The following TM4SF1 variants were observed in gnomAD, a reference collection of about 807,000 sequenced individuals.
The protein encoded by TM4SF1 is transmembrane 4 L6 family member 1.
A neutral mutation model predicts 24.5 loss-of-function variants in TM4SF1; 20 were observed. That is an observed-to-expected ratio of 0.82 (90% CI 0.57 to 1.19). The LOEUF is 1.19. TM4SF1 is among the 50% of genes most tolerant of loss of function. The probability of loss-of-function intolerance (pLI) is 0.00; values close to 1 mark genes in which losing one functional copy is unlikely to be tolerated. For synonymous variants in TM4SF1, 107 were observed against 95.4 expected (o/e 1.12, Z -0.71); for missense variants, 258 against 248.1 (o/e 1.04, Z -0.27).
intron 1 of TM4SF1, among the ~76,000 whole-genome samples, chr3:149,376,790 A>G (rs1432865603): frequency 2.0e-5 from 3 of 152,190 alleles, no homozygotes; most frequent in Non-Finnish European, 4.4e-5. Context: ...ATCAAAAACA[A>G]TTCTTGGAAA....
At chr3:149,370,112 G>T (rs2108376232) in intron 4 of TM4SF1, 1 of 444,876 alleles carries the variant, frequency 2.2e-6, no homozygotes. Flanking sequence ...AGAAACTGCA[G>T]GATACTGATA....
intron 1 of TM4SF1, among the ~76,000 whole-genome samples, chr3:149,376,701 T>G (rs946911923): frequency 2.0e-5 from 3 of 152,224 alleles, no homozygotes; most frequent in Admixed American, 6.5e-5. Flanking sequence ...AAACTTAAGT[T>G]TGCTCACATT....
At chr3:149,375,341 G>GTGGA in intron 3 of TM4SF1, 102 bp downstream of exon 3, 2 of 1,445,146 alleles carry the variant, frequency 1.4e-6, no homozygotes, top group South Asian at 1.3e-5. Flanking sequence ...GGCTAGGTGG[G>GTGGA]TGGATGGATG....
intron 4 of TM4SF1, 151 bp downstream of exon 4, chr3:149,371,536 A>C (rs1731820746): frequency 2.6e-6 from 2 of 778,748 alleles, no homozygotes; most frequent in East Asian, 2.6e-5. Flanking sequence ...CTGACAGCTA[A>C]AGTGAATGCT....
Position 149,369,779 on chromosome 3 carries a change from T to C in TM4SF1, c.*87A>G. 4 of 1,564,826 alleles carry C rather than the reference T, an allele frequency of 2.6e-6. No homozygotes were observed. Among genetic ancestry groups the C allele is most frequent in the South Asian group, 1.1e-5 (1 of 87,252 alleles). On this transcript the variant is annotated 3_prime_UTR_variant, in exon 5 of 5. Coordinates refer to ENST00000305366, the MANE Select transcript of TM4SF1 (RefSeq NM_014220.3). ...GACTGTGGGGAGTATGTTACACTAA[T>C]ACAAAGTTTTACAAATGAATACAAG... is the stretch of plus-strand genomic sequence containing the variant.
At chr3:149,375,857 T>C (rs1731939138) in intron 1 of TM4SF1, 88 bp from the exon 2 acceptor site, 1 of 1,228,468 alleles carries the variant, frequency 8.1e-7, no homozygotes, top group African/African-American at 1.5e-5. Flanking sequence ...ATATATTTAT[T>C]TCCAATGACA....
intron 4 of TM4SF1, chr3:149,370,625 A>G (rs1731799013): frequency 6.6e-6 from 1 of 152,152 alleles, no homozygotes; most frequent in African/African-American, 2.4e-5. Flanking sequence ...GAAGCTCCAT[A>G]TTGAAGGTTT....
intron 4 of TM4SF1, 31 bp from the exon 5 acceptor site, chr3:149,369,911 T>C (rs1433408439): frequency 1.3e-6 from 2 of 1,596,082 alleles, no homozygotes; most frequent in South Asian, 2.3e-5. Flanking sequence ...CATTAGGCTA[T>C]AATCAGGATA....
At position 149,375,681 on chromosome 3, in the gene TM4SF1, G is replaced by A. The variant is rs745533363; in HGVS notation, c.266C>T (p.Ala89Val). ...CGHENCGKRC[A>V]MLSSVLAALI... ...CACCACCAGGGCAGGAGGACCTACCGCACATCGTTTGCCACAGTTTTCATG... is the reference window on the plus strand; with the variant it reads ...CACCACCAGGGCAGGAGGACCTACCACACATCGTTTGCCACAGTTTTCATG... Residue 89 changes from alanine to valine, a missense_variant and splice_region_variant, in exon 2 of 5, where the codon GCG becomes GTG. Physicochemically the swap from Ala to Val is moderately conservative, Grantham distance 64. Coordinates refer to ENST00000305366, the MANE Select transcript of TM4SF1 (RefSeq NM_014220.3). 29 of 1,614,036 alleles carry A rather than the reference G, an allele frequency of 1.8e-5. No homozygotes were observed. The Admixed American group carries it at 3.3e-4, about 19-fold the overall frequency.
At position 149,377,525 on chromosome 3, in the gene TM4SF1, C is replaced by T. The variant is rs376614051; in HGVS notation, c.23G>A (p.Arg8Gln). The T allele has an allele frequency of 3.1e-6, 5 of 1,613,790 alleles. No individual in the cohort carries two copies. The highest frequency in any genetic ancestry group is 2.2e-5 in the South Asian group (2 of 91,022). Residue 8 changes from arginine (R) to glutamine (Q), a missense_variant, in exon 1 of 5, where the codon CGA (arginine) becomes CAA (glutamine). Physicochemically the swap from Arg to Gln is conservative, Grantham distance 43. Transcript: ENST00000305366. ...CCCCACCAGAGAATGTCCGATGCAT[C>T]GTGCACACTTCCCATAGCACATGGT... MCYGKCA[R>Q]CIGHSLVGLA...
chr3:149,377,166 G>A (rs953717351), intron 1 of TM4SF1, among the ~76,000 whole-genome samples: 1 of 152,146 alleles, frequency 6.6e-6, no homozygotes, highest in South Asian at 2.1e-4. Context: ...AGTTGAAAGA[G>A]CATTTTGTAA....
intron 3 of TM4SF1, among the ~76,000 whole-genome samples, chr3:149,372,851 T>C (rs73867309): frequency 0.079 from 11,955 of 152,276 alleles, 582 homozygotes; most frequent in African/African-American, 0.14. Context: ...GCACACTGCA[T>C]TTGCTCATTC....
At position 149,371,845 on chromosome 3, in the gene TM4SF1, A is replaced by G. The variant is rs141567681; in HGVS notation, c.436T>C (p.Trp146Arg). ...EGQYLLDTST[W>R]SECTEPKHIV... The stretch of plus-strand genomic sequence containing the variant: ...TGCTTGGGTTCAGTGCACTCGGACC[A>G]TGTGGAGGTATCCAGAAGGTACCTG... The change falls in exon 4 of 5, where the codon TGG becomes CGG. Residue 146 changes from tryptophan (W) to arginine (R), a missense_variant. By Grantham distance (101) the Trp-to-Arg change is moderately radical (BLOSUM62 -3). Transcript: ENST00000305366. 3.2e-4 allele frequency: 509 copies of G among 1,614,098 alleles called. 2 individuals are homozygous for G. Among genetic ancestry groups the G allele is most frequent in the Middle Eastern group, 8.3e-4 (5 of 6,060 alleles).
rs1393181887 is a variant in TM4SF1 at position 149,375,457 on chromosome 3, G to A, written c.399C>T (p.Ala133=). The stretch of plus-strand genomic sequence containing the variant: ...TAATTACATACTGGCCCTCAGTGCT[G>A]GCAAAGGTGTAGTTCCACTGGCCGA... The part of the protein sequence containing the change: ...DSLGQWNYTF[A]STEGQYLLDT... The change falls in exon 3 of 5, where the codon GCC becomes GCT. Residue 133 remains alanine, a synonymous_variant. Transcript: ENST00000305366. The A allele has an allele frequency of 6.2e-7, 1 of 1,614,162 alleles. No individual in the cohort carries two copies. Among genetic ancestry groups the A allele is most frequent in the Non-Finnish European group, 8.5e-7 (1 of 1,180,036 alleles).
chr3:149,373,911 A>G (rs745769022), intron 3 of TM4SF1, among the ~76,000 whole-genome samples: 1 of 152,194 alleles, frequency 6.6e-6, no homozygotes, highest in Non-Finnish European at 1.5e-5. Flanking sequence ...TGTTTGTGCA[A>G]TAGTTTTGTA....
At chr3:149,373,602 T>C (rs937575691) in intron 3 of TM4SF1, among the ~76,000 whole-genome samples, 6 of 152,232 alleles carry the variant, frequency 3.9e-5, no homozygotes, top group Admixed American at 2.6e-4. Context: ...GGCCCTGTCT[T>C]TCTGCATGTC....
At chr3:149,376,007 G>A (rs539390113) in intron 1 of TM4SF1, among the ~76,000 whole-genome samples, 1 of 152,274 alleles carries the variant, frequency 6.6e-6, no homozygotes, top group Non-Finnish European at 1.5e-5. Context: ...TAACATGGGA[G>A]GAGTAAAATA....
intron 3 of TM4SF1, among the ~76,000 whole-genome samples, chr3:149,374,975 G>A (rs1373926569): frequency 1.3e-5 from 2 of 152,144 alleles, no homozygotes; most frequent in African/African-American, 4.8e-5. Flanking sequence ...CTGGCAACGT[G>A]ACCTTGGATG....
rs1386558217 is a variant in TM4SF1 at position 149,369,900 on chromosome 3, C to G, written c.595-20G>C. Reference sequence around the variant, plus strand: ...ATATTGCTGTAGAGAAAATAAAATACCATTAGGCTATAATCAGGATAAATA... The same window carrying G: ...ATATTGCTGTAGAGAAAATAAAATAGCATTAGGCTATAATCAGGATAAATA... On this transcript the variant is annotated intron_variant, in intron 4 of 4. Transcript: ENST00000305366. 2 of 1,600,622 alleles carry G rather than the reference C, an allele frequency of 1.2e-6. No homozygotes were observed. The highest frequency in any genetic ancestry group is 1.4e-5 in the African/African-American group (1 of 74,050).
Sources: gnomAD v4.1 joint callset for allele counts (sites outside exome capture counted in the v4.1 genomes callset) on GRCh38, gnomAD v4.1.1 for gene constraint, MANE v1.5 for transcripts, NCBI Gene and HGNC (gene_info 2026-07-23, HGNC 2026-07-21) for gene names.